Variants in ADARB1 observed in about 807,000 individuals in gnomAD.
ADARB1 encodes the protein adenosine deaminase RNA specific B1.
Under a neutral mutation model 52.4 loss-of-function variants are expected in ADARB1, and 10 were observed. The ratio of observed to expected loss-of-function variants is 0.19; its 90% CI spans 0.12 to 0.32. The LOEUF (loss-of-function observed/expected upper bound fraction) is 0.32. Ranked by LOEUF, ADARB1 falls within the 10% of genes least tolerant of loss-of-function variation. The pLI is 1.00. For synonymous variants in ADARB1, 349 were observed against 371.1 expected (o/e 0.94, Z 0.68); for missense variants, 643 against 922.3 (o/e 0.70, Z 3.92).
chr21:45,193,994 G>T (rs369921076), intron 8 of ADARB1, among the ~76,000 whole-genome samples: 194 of 152,262 alleles, frequency 1.3e-3, no homozygotes, highest in African/African-American at 4.5e-3. Flanking sequence ...AATCCATATG[G>T]AAATGCAAAG....
At chr21:45,083,852 C>T (rs1234273780) in intron 1 of ADARB1, among the ~76,000 whole-genome samples, 2 of 152,166 alleles carry the variant, frequency 1.3e-5, no homozygotes, top group East Asian at 1.9e-4. Flanking sequence ...AGGTGGATGC[C>T]ACCACACCCG....
At chr21:45,164,439 C>G (rs2091151927) in intron 2 of ADARB1, among the ~76,000 whole-genome samples, 1 of 151,812 alleles carries the variant, frequency 6.6e-6, no homozygotes, top group South Asian at 2.1e-4. Context: ...GGAGACCGAG[C>G]CTGCCCCAGC....
chr21:45,157,329 T>G lies in ADARB1; in HGVS notation c.-47-14281T>G, dbSNP rs2090713956. Among the ~76,000 whole-genome samples the G allele has an allele frequency of 6.6e-6, 1 of 152,256 alleles. No individual in the cohort carries two copies. The highest frequency in any genetic ancestry group is 1.5e-5 in the Non-Finnish European group (1 of 68,048). ...TTAGTGCAGTTATAAGTGTTAATAT[T>G]GAAAATAAAGTTTACATCGTTGTCT... On this transcript the variant is annotated intron_variant, in intron 2 of 10. Transcript: ENST00000348831. The surrounding 1 kb of genome is among the most constrained non-coding windows in gnomAD (Gnocchi z 4.1).
At chr21:45,136,395 T>C (rs1242212763) in intron 2 of ADARB1, among the ~76,000 whole-genome samples, 1 of 152,184 alleles carries the variant, frequency 6.6e-6, no homozygotes, top group Non-Finnish European at 1.5e-5. Context: ...AGGGAAGAAC[T>C]ACAGATACAC....
At chr21:45,195,604 A>T (rs749246988) in intron 8 of ADARB1, among the ~76,000 whole-genome samples, 6 of 149,344 alleles carry the variant, frequency 4.0e-5, no homozygotes, top group Admixed American at 1.3e-4. Flanking sequence ...CTATGCCTAG[A>T]TTCTTTTTTT....
chr21:45,106,182 C>G (rs2087247570), intron 1 of ADARB1, among the ~76,000 whole-genome samples: 1 of 108,162 alleles, frequency 9.2e-6, no homozygotes, highest in Non-Finnish European at 1.8e-5. Flanking sequence ...CTTGTTAAAT[C>G]CCGTGGGAGG....
Position 45,222,301 on chromosome 21 carries a change from G to T in ADARB1, c.*104G>T. On this transcript the variant is annotated 3_prime_UTR_variant, in exon 11 of 11. Coordinates refer to ENST00000348831, the MANE Select transcript of ADARB1 (RefSeq NM_001112.4). ...GGCAGGTGCATACCTTGGGGAGGGA[G>T]TAGGGGGACACGGGGGACCACCAGG... The T allele has an allele frequency of 4.7e-5, 61 of 1,297,094 alleles. No individual in the cohort carries two copies. The highest frequency in any genetic ancestry group is 2.1e-4 in the East Asian group (6 of 28,254). The allele number at this position is 1,297,094 out of a possible 1,614,324, so 80.3% of individuals were successfully genotyped here. A position where few individuals can be genotyped will look rare whatever the true frequency, so the allele number is the denominator to read the frequency against.
chr21:45,101,289 G>A (rs1342072205), intron 1 of ADARB1, among the ~76,000 whole-genome samples: 2 of 152,176 alleles, frequency 1.3e-5, no homozygotes, highest in African/African-American at 4.8e-5. Context: ...CCCTGCGCGC[G>A]GGCGGGCCGT....
intron 1 of ADARB1, among the ~76,000 whole-genome samples, chr21:45,122,479 G>T (rs1276008662): frequency 6.6e-6 from 1 of 152,162 alleles, no homozygotes; most frequent in Non-Finnish European, 1.5e-5. Context: ...TAAACCCATT[G>T]TGGAAACCCC....
chr21:45,169,163 T>A (rs2091379910), intron 2 of ADARB1, among the ~76,000 whole-genome samples: 1 of 152,184 alleles, frequency 6.6e-6, no homozygotes, highest in Non-Finnish European at 1.5e-5. Flanking sequence ...TAGTCTCTCA[T>A]GACTCTGCAC....
At chr21:45,143,828 A>G (rs558372728) in intron 2 of ADARB1, among the ~76,000 whole-genome samples, 48 of 152,312 alleles carry the variant, frequency 3.2e-4, no homozygotes, top group African/African-American at 1.1e-3. Context: ...CTTTTCCGCA[A>G]TGGCATCGCC....
chr21:45,147,820 G>A (rs999016060), intron 2 of ADARB1, among the ~76,000 whole-genome samples: 6 of 152,076 alleles, frequency 3.9e-5, no homozygotes, highest in African/African-American at 9.7e-5. Context: ...CGCTGCCCCC[G>A]GCACCTCTCT....
intron 9 of ADARB1, among the ~76,000 whole-genome samples, chr21:45,216,203 G>GT (rs1390092765): frequency 1.3e-5 from 2 of 151,668 alleles, no homozygotes; most frequent in Admixed American, 1.3e-4. Flanking sequence ...TCTCTTGGTT[G>GT]TTTTTTTCTG....
At chr21:45,177,756 C>T (rs2091761962) in intron 4 of ADARB1, among the ~76,000 whole-genome samples, 1 of 152,158 alleles carries the variant, frequency 6.6e-6, no homozygotes, top group Admixed American at 6.5e-5. Context: ...TTAGAACAAC[C>T]TCTGTGCAGT....
At chr21:45,100,164 T>G (rs1480040087) in intron 1 of ADARB1, among the ~76,000 whole-genome samples, 1 of 152,214 alleles carries the variant, frequency 6.6e-6, no homozygotes, top group Non-Finnish European at 1.5e-5. Context: ...ATACAGAAAT[T>G]TAAAAAGCAG....
At chr21:45,186,386 C>T (rs2092107378) in intron 8 of ADARB1, among the ~76,000 whole-genome samples, 1 of 152,186 alleles carries the variant, frequency 6.6e-6, no homozygotes, top group African/African-American at 2.4e-5. Flanking sequence ...TATCCTTCAA[C>T]TTATGCAAAC....
intron 9 of ADARB1, among the ~76,000 whole-genome samples, chr21:45,207,308 C>G (rs2092685269): frequency 6.6e-6 from 1 of 152,174 alleles, no homozygotes; most frequent in African/African-American, 2.4e-5. Context: ...GAGTTCAGAT[C>G]AGCAAAGCAA....
chr21:45,201,067 T>C (rs1001668627), intron 8 of ADARB1, among the ~76,000 whole-genome samples: 1 of 152,194 alleles, frequency 6.6e-6, no homozygotes, highest in Non-Finnish European at 1.5e-5. Flanking sequence ...CCAAACACAC[T>C]TCATGGCACG....
At chr21:45,148,914 A>T (rs958173789) in intron 2 of ADARB1, among the ~76,000 whole-genome samples, 3 of 152,138 alleles carry the variant, frequency 2.0e-5, no homozygotes, top group Admixed American at 6.5e-5. Context: ...TAGGGCTGTG[A>T]CTGTCTCCTT....
Sources: allele counts gnomAD v4.1 joint callset (sites outside exome capture counted in the v4.1 genomes callset), GRCh38; gene constraint gnomAD v4.1.1; non-coding constraint Gnocchi (gnomAD v3.1); transcripts MANE v1.5; gene names NCBI Gene and HGNC (gene_info 2026-07-23, HGNC 2026-07-21).